Variants in SPOCK3 observed in about 807,000 individuals in gnomAD.
SPOCK3 encodes the protein SPARC (osteonectin), cwcv and kazal like domains proteoglycan 3.
SPOCK3 carries 30 observed loss-of-function variants against 56.6 expected under a neutral mutation model. The ratio of observed to expected loss-of-function variants is 0.53; its 90% CI spans 0.40 to 0.72. SPOCK3 has a LOEUF of 0.72. Among genes scored for constraint, SPOCK3 ranks in the 30% least tolerant of loss-of-function variants. SPOCK3 has a pLI of 0.00. For synonymous variants in SPOCK3, 196 were observed against 183.3 expected (o/e 1.07, Z -0.56); for missense variants, 527 against 530.0 (o/e 0.99, Z 0.06).
At chr4:166,915,237 GT>G (rs1737718240) in intron 4 of SPOCK3, among the ~76,000 whole-genome samples, 1 of 151,842 alleles carries the variant, frequency 6.6e-6, no homozygotes, top group East Asian at 1.9e-4. Flanking sequence ...GAGTTGATAG[GT>G]GCAGCAAACC....
chr4:167,064,002 T>A (rs966996437), intron 2 of SPOCK3, among the ~76,000 whole-genome samples: 1 of 151,948 alleles, frequency 6.6e-6, no homozygotes, highest in Non-Finnish European at 1.5e-5. Context: ...TAATGACTTA[T>A]CTTCCTTTTT....
chr4:166,996,102 A>C (rs1332638206), intron 4 of SPOCK3, among the ~76,000 whole-genome samples: 1 of 152,080 alleles, frequency 6.6e-6, no homozygotes, highest in Non-Finnish European at 1.5e-5. Context: ...CTTTTTTGAT[A>C]ATTATTTTTG....
intron 3 of SPOCK3, among the ~76,000 whole-genome samples, chr4:167,015,397 T>G (rs928226082): frequency 6.6e-6 from 1 of 152,188 alleles, no homozygotes; most frequent in Non-Finnish European, 1.5e-5. Flanking sequence ...TTAATAGAAT[T>G]TAAACCTAAG....
At chr4:167,093,378 G>C (rs954017071) in intron 2 of SPOCK3, among the ~76,000 whole-genome samples, 5 of 151,990 alleles carry the variant, frequency 3.3e-5, no homozygotes, top group Non-Finnish European at 5.9e-5. Context: ...GTGCCATGGT[G>C]GCTTGCTGTA....
chr4:166,912,253 T>C (rs1249508872), intron 5 of SPOCK3, among the ~76,000 whole-genome samples: 2 of 152,116 alleles, frequency 1.3e-5, no homozygotes, highest in African/African-American at 4.8e-5. Flanking sequence ...ATATAGGAGA[T>C]AAAATATGAG....
At chr4:166,965,497 G>A (rs372700697) in intron 4 of SPOCK3, among the ~76,000 whole-genome samples, 91 of 150,032 alleles carry the variant, frequency 6.1e-4, no homozygotes, top group African/African-American at 2.2e-3. Flanking sequence ...CACTTTAAAT[G>A]TGTCGTTCTA....
At chr4:167,194,438 A>G (rs1422255488) in intron 2 of SPOCK3, among the ~76,000 whole-genome samples, 1 of 152,154 alleles carries the variant, frequency 6.6e-6, no homozygotes, top group Non-Finnish European at 1.5e-5. Context: ...CAGGCATGCT[A>G]CTAGAGCTTT....
intron 4 of SPOCK3, among the ~76,000 whole-genome samples, chr4:166,926,756 T>C (rs562257168): frequency 6.6e-6 from 1 of 152,274 alleles, no homozygotes; most frequent in South Asian, 2.1e-4. Flanking sequence ...ACAAAAATCA[T>C]CCCAAGTTCT....
At chr4:167,146,187 A>G (rs757612294) in intron 2 of SPOCK3, among the ~76,000 whole-genome samples, 12 of 152,176 alleles carry the variant, frequency 7.9e-5, no homozygotes, top group Non-Finnish European at 1.8e-4. Context: ...CAGACTTTAA[A>G]CCAGCAAAGA....
chr4:167,130,633 A>T (rs928404264), intron 2 of SPOCK3, among the ~76,000 whole-genome samples: 2 of 152,172 alleles, frequency 1.3e-5, no homozygotes, highest in African/African-American at 4.8e-5. Flanking sequence ...ATCTGTGTAA[A>T]ATCAATATAA....
chr4:166,973,125 G>A lies in SPOCK3; in HGVS notation c.350+27224C>T, dbSNP rs967002296. On this transcript the variant is annotated intron_variant, in intron 4 of 10. Transcript: ENST00000357545. The stretch of plus-strand genomic sequence containing the variant: ...TCTCCCATGATGTTCTTGTGATAGT[G>A]AGTGAGTTCTCATGAAATCTGTTGC... Among the ~76,000 whole-genome samples the A allele has an allele frequency of 3.8e-4, 58 of 152,042 alleles. 2 individuals are homozygous for A. Among genetic ancestry groups the A allele is most frequent in the Admixed American group, 3.7e-3 (57 of 15,258 alleles).
chr4:167,129,348 TACTAAA>T (rs1762530430), intron 2 of SPOCK3, among the ~76,000 whole-genome samples: 1 of 152,214 alleles, frequency 6.6e-6, no homozygotes, highest in African/African-American at 2.4e-5. Flanking sequence ...GCTCTGGACT[TACTAAA>T]AACAGCCCTG....
intron 2 of SPOCK3, among the ~76,000 whole-genome samples, chr4:167,231,007 T>C (rs903370697): frequency 6.6e-6 from 1 of 152,080 alleles, no homozygotes; most frequent in African/African-American, 2.4e-5. Context: ...GCATTTATAT[T>C]GAGGAAATCA....
chr4:166,837,323 T>C lies in SPOCK3; in HGVS notation c.590-45034A>G, dbSNP rs1312943585. ...TCAGAATAAGCCCACCAATACCTTC[T>C]GGACTTGAGCTCTATTTTATTTTAA... On this transcript the variant is annotated intron_variant, in intron 6 of 10. Coordinates refer to ENST00000357545, the MANE Select transcript of SPOCK3 (RefSeq NM_001040159.2). Among the ~76,000 whole-genome samples, 3 of 152,298 alleles carry C rather than the reference T, an allele frequency of 2.0e-5. No homozygotes were observed. The East Asian group carries it at 5.8e-4, about 29-fold the overall frequency.
At chr4:166,820,046 T>G (rs1242084624) in intron 6 of SPOCK3, among the ~76,000 whole-genome samples, 1 of 152,072 alleles carries the variant, frequency 6.6e-6, no homozygotes, top group Admixed American at 6.6e-5. Flanking sequence ...TTTAAGATGA[T>G]GATTCTCTTC....
chr4:166,744,109 T>A lies in SPOCK3; in HGVS notation c.932-2050A>T, dbSNP rs542685499. Among the ~76,000 whole-genome samples, 5 of 152,218 alleles carry A rather than the reference T, an allele frequency of 3.3e-5. No individual in the cohort carries two copies. In the South Asian group the frequency reaches 1.0e-3, roughly 32 times the overall value. On this transcript the variant is annotated intron_variant, in intron 8 of 10. Transcript: ENST00000357545. ...CTGACAGCTTTGAAGAGAGCAGTGGTTCTCCCACCCCGGAGTTTGAGATCT... is the reference window on the plus strand; with the variant it reads ...CTGACAGCTTTGAAGAGAGCAGTGGATCTCCCACCCCGGAGTTTGAGATCT...
intron 3 of SPOCK3, among the ~76,000 whole-genome samples, chr4:167,030,773 C>T (rs1312588910): frequency 6.6e-6 from 1 of 151,984 alleles, no homozygotes; most frequent in Admixed American, 6.6e-5. Context: ...GGTAAGAATC[C>T]TACCTTACTC....
intron 6 of SPOCK3, among the ~76,000 whole-genome samples, chr4:166,829,398 A>G (rs972667915): frequency 6.6e-6 from 1 of 152,084 alleles, no homozygotes; most frequent in African/African-American, 2.4e-5. Flanking sequence ...TTATACATTT[A>G]GGGCAAAAAG....
chr4:166,971,345 T>A (rs1434270792), intron 4 of SPOCK3, among the ~76,000 whole-genome samples: 6 of 152,196 alleles, frequency 3.9e-5, no homozygotes, highest in African/African-American at 7.2e-5. Flanking sequence ...GTGCTTTTTT[T>A]AAAAGTGCTT....
Sources: gnomAD v4.1 joint callset for allele counts (sites outside exome capture counted in the v4.1 genomes callset) on GRCh38, gnomAD v4.1.1 for gene constraint, MANE v1.5 for transcripts, NCBI Gene and HGNC (gene_info 2026-07-23, HGNC 2026-07-21) for gene names.